Variants in SLC7A7 observed in about 807,000 individuals in gnomAD.
SLC7A7 encodes the protein solute carrier family 7 member 7.
A neutral mutation model predicts 47.9 loss-of-function variants in SLC7A7; 39 were observed. The observed-to-expected ratio is 0.81, with a 90% CI of 0.63 to 1.06. SLC7A7 has a LOEUF of 1.06. SLC7A7 is among the 50% of genes least tolerant of loss of function. The pLI, the probability that SLC7A7 is intolerant of heterozygous loss-of-function variation, is 0.00. For missense variants in SLC7A7, 588 were observed against 632.0 expected, an observed-to-expected ratio of 0.93 and a Z score of 0.75; for synonymous variants, 234 against 242.8, an observed-to-expected ratio of 0.96 and a Z score of 0.34.
intron 2 of SLC7A7, among the ~76,000 whole-genome samples, chr14:22,798,855 T>C (rs2039062377): frequency 6.6e-6 from 1 of 152,152 alleles, no homozygotes; most frequent in South Asian, 2.1e-4. Context: ...TATTTTTGAG[T>C]GTAAACCTGC....
chr14:22,782,465 T>TTTTA (rs201450073), intron 2 of SLC7A7, among the ~76,000 whole-genome samples: 7,661 of 150,202 alleles, frequency 0.051, 300 homozygotes, highest in South Asian at 0.1. Flanking sequence ...TATTTATTTA[T>TTTTA]TTTATTTATT....
Position 22,775,531 on chromosome 14 carries a change from A to G in SLC7A7, c.1008T>C (p.Phe336=), listed in dbSNP as rs753178470. The G allele has an allele frequency of 6.2e-7, 1 of 1,614,154 alleles. No homozygotes were observed. The highest frequency in any genetic ancestry group is 8.5e-7 in the Non-Finnish European group (1 of 1,179,988). ...GGAGATGGCCTTCTCTTGAGCCCAC[A>G]AAGAAAAGCCTATGTTAGGTAAGAT... is the stretch of plus-strand genomic sequence containing the variant. ...ASIVAASRLF[F]VGSREGHLPD... The change falls in exon 7 of 10, where the codon TTT becomes TTC. Residue 336 remains phenylalanine, a synonymous_variant. Transcript: ENST00000674313.
intron 2 of SLC7A7, among the ~76,000 whole-genome samples, chr14:22,809,104 T>A (rs1201089312): frequency 6.6e-6 from 1 of 152,226 alleles, no homozygotes; most frequent in Non-Finnish European, 1.5e-5. Context: ...TGTACAAAAC[T>A]CTATGCATTT....
At chr14:22,774,929 T>C (rs12436256) in intron 7 of SLC7A7, among the ~76,000 whole-genome samples, 36,481 of 152,154 alleles carry the variant, frequency 0.24, 4,746 homozygotes, top group Admixed American at 0.39. Flanking sequence ...TTTCAGATTT[T>C]GGATATTCAG....
chr14:22,818,544 T>C (rs2138676042), upstream of SLC7A7, among the ~76,000 whole-genome samples: 1 of 150,190 alleles, frequency 6.7e-6, no homozygotes, highest in South Asian at 2.1e-4. Context: ...GCAACACCCC[T>C]AGGCTCTCCC....
At position 22,813,390 on chromosome 14, in the gene SLC7A7, G is replaced by A; in HGVS notation, c.9C>T (p.Asp3=). The part of the protein sequence containing the change: MV[D]STEYEVASQP... ...GGGAGGCCACTTCATACTCAGTGCT[G>A]TCAACCATGGTGGAGGAGAGGAAAC... The change falls in exon 2 of 10, where the codon GAC becomes GAT. Residue 3 remains aspartate (D), a synonymous_variant. Coordinates refer to ENST00000674313, the MANE Select transcript of SLC7A7 (RefSeq NM_003982.4). 1.9e-6 allele frequency: 3 copies of A among 1,611,854 alleles called. No individual in the cohort carries two copies. The highest frequency in any genetic ancestry group is 1.1e-5 in the South Asian group (1 of 91,088).
chr14:22,790,717 G>A (rs1221753108), intron 2 of SLC7A7, among the ~76,000 whole-genome samples: 1 of 151,536 alleles, frequency 6.6e-6, no homozygotes, highest in Non-Finnish European at 1.5e-5. Context: ...GGTCAAATAC[G>A]GGCCGGGCAC....
At chr14:22,776,813 T>A (rs548063902) in intron 4 of SLC7A7, among the ~76,000 whole-genome samples, 2 of 152,004 alleles carry the variant, frequency 1.3e-5, no homozygotes, top group Admixed American at 6.5e-5. Flanking sequence ...ACTAAAAATA[T>A]AAATAATTAG....
intron 2 of SLC7A7, among the ~76,000 whole-genome samples, chr14:22,794,846 G>C (rs2038982825): frequency 1.3e-5 from 2 of 152,060 alleles, no homozygotes; most frequent in African/African-American, 4.8e-5. Context: ...GTGGAACCCA[G>C]GCATCGGCAT....
chr14:22,813,859 C>T (rs1343943698), intron 1 of SLC7A7, among the ~76,000 whole-genome samples: 9 of 144,664 alleles, frequency 6.2e-5, no homozygotes, highest in Non-Finnish European at 1.3e-4. Context: ...GGCGCGATCT[C>T]AGCTCACTGC....
In SLC7A7 at chr14:22,788,501, G is replaced by A. The variant is rs564063108; in HGVS notation, c.500-8450C>T. On this transcript the variant is annotated intron_variant, in intron 2 of 9. Coordinates refer to ENST00000674313, the MANE Select transcript of SLC7A7 (RefSeq NM_003982.4). ...GGGCAGATCACAAAGTCAGGAGTTT[G>A]AGATCAGCCTGGCCAACATGGTGAA... 5.9e-5 allele frequency among the ~76,000 whole-genome samples: 9 copies of A among 151,900 alleles called. No individual in the cohort carries two copies. The South Asian group carries it at 1.0e-3, about 18-fold the overall frequency.
chr14:22,817,032 G>T (rs1304816136), upstream of SLC7A7, among the ~76,000 whole-genome samples: 2 of 151,694 alleles, frequency 1.3e-5, no homozygotes, highest in Non-Finnish European at 2.9e-5. Flanking sequence ...ATTATCTCAT[G>T]GAACCTCCAG....
intron 2 of SLC7A7, among the ~76,000 whole-genome samples, chr14:22,808,390 A>G (rs1265989387): frequency 6.6e-6 from 1 of 152,248 alleles, no homozygotes; most frequent in African/African-American, 2.4e-5. Flanking sequence ...GAGGGAATGT[A>G]TGAAAGCTCT....
In SLC7A7 at chr14:22,774,099, C is replaced by T. The variant is rs1043886041; in HGVS notation, c.1263G>A (p.Pro421=). The change falls in exon 9 of 10, where the codon CCG becomes CCA. Residue 421 remains proline (P), a synonymous_variant. Coordinates refer to ENST00000674313, the MANE Select transcript of SLC7A7 (RefSeq NM_003982.4). ...AGATGGTGCAGAGGCAGAAGACAATCGGGAAGAAAACGCTGAGCTAAGGGC... is the reference window on the plus strand; with the variant it reads ...AGATGGTGCAGAGGCAGAAGACAATTGGGAAGAAAACGCTGAGCTAAGGGC... ...PRPLKLSVFF[P]IVFCLCTIFL... The T allele has an allele frequency of 1.9e-6, 3 of 1,614,068 alleles. No individual in the cohort carries two copies. The highest frequency in any genetic ancestry group is 2.2e-5 in the East Asian group (1 of 44,884).
intron 2 of SLC7A7, among the ~76,000 whole-genome samples, chr14:22,783,562 A>G (rs2139403568): frequency 6.6e-6 from 1 of 151,626 alleles, no homozygotes; most frequent in Non-Finnish European, 1.5e-5. Flanking sequence ...CACCATGCCC[A>G]GCTAATTTTT....
At chr14:22,780,093 C>T in intron 2 of SLC7A7, 42 bp from the exon 3 acceptor site, 3 of 1,612,316 alleles carry the variant, frequency 1.9e-6, no homozygotes, top group South Asian at 2.2e-5. Flanking sequence ...ACCCTTACCA[C>T]CCTAGGGCCT....
chr14:22,779,491 G>A (rs1314539413), intron 3 of SLC7A7, among the ~76,000 whole-genome samples: 1 of 150,312 alleles, frequency 6.7e-6, no homozygotes, highest in South Asian at 2.1e-4. Context: ...GTCTCGCTCT[G>A]TCGCCCAGGC....
chr14:22,794,776 C>T (rs1180536298), intron 2 of SLC7A7, among the ~76,000 whole-genome samples: 1 of 152,154 alleles, frequency 6.6e-6, no homozygotes, highest in South Asian at 2.1e-4. Flanking sequence ...CATCACTTGA[C>T]GAGCTTTAAC....
At chr14:22,803,717 T>C (rs960619875) in intron 2 of SLC7A7, among the ~76,000 whole-genome samples, 3 of 152,112 alleles carry the variant, frequency 2.0e-5, no homozygotes, top group South Asian at 2.1e-4. Context: ...TAGGCCACGG[T>C]AGAAATGTGG....
Sources: gnomAD v4.1 joint callset for allele counts (sites outside exome capture counted in the v4.1 genomes callset) on GRCh38, gnomAD v4.1.1 for gene constraint, MANE v1.5 for transcripts, NCBI Gene and HGNC (gene_info 2026-07-23, HGNC 2026-07-21) for gene names.